PSME3IP1: variants seen among roughly 807,000 people sequenced by gnomAD.
PSME3IP1 encodes PSME3-interacting protein.
Under a neutral mutation model 34.1 loss-of-function variants are expected in PSME3IP1, and 13 were observed. The ratio of observed to expected loss-of-function variants is 0.38; its 90% CI spans 0.25 to 0.61. The LOEUF is 0.61. Ranked by LOEUF, PSME3IP1 falls within the 20% of genes least tolerant of loss-of-function variation. The pLI is 0.60. For synonymous variants in PSME3IP1, 93 were observed against 114.3 expected, an observed-to-expected ratio of 0.81 and a Z score of 1.19; for missense variants, 237 against 301.4, an observed-to-expected ratio of 0.79 and a Z score of 1.58.
chr16:57,183,950 C>T (rs1165111061), intron 1 of PSME3IP1, among the ~76,000 whole-genome samples: 1 of 152,054 alleles, frequency 6.6e-6, no homozygotes, highest in Non-Finnish European at 1.5e-5. Context: ...AAACAGACTC[C>T]CCCAAAGGGA....
At chr16:57,159,656 T>C (rs1389339809) in intron 6 of PSME3IP1, among the ~76,000 whole-genome samples, 2 of 152,340 alleles carry the variant, frequency 1.3e-5, no homozygotes, top group East Asian at 1.9e-4. Context: ...GGACACTTCC[T>C]GCCTGGTTTC....
chr16:57,160,244 T>A (rs2071067984), intron 6 of PSME3IP1, among the ~76,000 whole-genome samples: 1 of 150,144 alleles, frequency 6.7e-6, no homozygotes. Context: ...GAGCCGAGAT[T>A]GCGCCACTGC....
chr16:57,165,404 T>C (rs1180897880), intron 5 of PSME3IP1, among the ~76,000 whole-genome samples: 1 of 152,164 alleles, frequency 6.6e-6, no homozygotes, highest in Non-Finnish European at 1.5e-5. Context: ...CTAAAAAGAC[T>C]GCACATTCAT....
chr16:57,182,405 A>G (rs2073796323), intron 1 of PSME3IP1, among the ~76,000 whole-genome samples: 1 of 78,264 alleles, frequency 1.3e-5, no homozygotes, highest in African/African-American at 5.0e-5. Context: ...CCCCCACCCT[A>G]TATAACTCCA....
chr16:57,178,582 T>C, intron 1 of PSME3IP1: 3 of 985,408 alleles, frequency 3.0e-6, no homozygotes, highest in Non-Finnish European at 3.6e-6. Flanking sequence ...TACTGTGCAA[T>C]GTAAGTTATA....
chr16:57,170,076 C>A (rs1174011684), intron 4 of PSME3IP1, among the ~76,000 whole-genome samples: 2 of 147,730 alleles, frequency 1.4e-5, no homozygotes, highest in African/African-American at 5.0e-5. Flanking sequence ...TTCTCCCATA[C>A]AACGCTTTTT....
intron 1 of PSME3IP1, chr16:57,174,825 T>G (rs2073021601): frequency 3.0e-6 from 1 of 335,822 alleles, no homozygotes; most frequent in African/African-American, 2.2e-5. Context: ...CCTTCCTCCC[T>G]GTAAACCCCT....
At chr16:57,172,631 G>C (rs1046907758) in intron 3 of PSME3IP1, 145 bp downstream of exon 3, 4 of 759,924 alleles carry the variant, frequency 5.3e-6, no homozygotes, top group Non-Finnish European at 9.0e-6. Flanking sequence ...AAGGCTGAAG[G>C]CTGTCTCTTT....
chr16:57,174,067 G>A (rs2072930442), intron 1 of PSME3IP1, 198 bp from the exon 2 acceptor site: 3 of 500,732 alleles, frequency 6.0e-6, no homozygotes, highest in Middle Eastern at 5.8e-4. Flanking sequence ...AGGCCGAGGC[G>A]CATGGATCAC....
At chr16:57,181,174 A>T (rs1037020459) in intron 1 of PSME3IP1, among the ~76,000 whole-genome samples, 7 of 152,252 alleles carry the variant, frequency 4.6e-5, no homozygotes, top group African/African-American at 1.4e-4. Context: ...TAACTAATTT[A>T]AATATCGGTT....
chr16:57,169,745 C>T (rs1261918927), intron 4 of PSME3IP1, among the ~76,000 whole-genome samples: 2 of 152,148 alleles, frequency 1.3e-5, no homozygotes, highest in African/African-American at 4.8e-5. Context: ...CAAAATAAAA[C>T]ATAATATCAT....
chr16:57,184,209 TAGAGA>T (rs755857296), intron 1 of PSME3IP1, among the ~76,000 whole-genome samples: 4 of 147,904 alleles, frequency 2.7e-5, no homozygotes, highest in Non-Finnish European at 4.5e-5. Flanking sequence ...GTAAAAGACA[TAGAGA>T]AAAGAGTGAA....
intron 5 of PSME3IP1, 36 bp downstream of exon 5, chr16:57,167,057 C>T (rs1466968785): frequency 6.2e-7 from 1 of 1,610,816 alleles, no homozygotes; most frequent in East Asian, 2.2e-5. Context: ...AGTACACGGT[C>T]AGAGAGAAAT....
chr16:57,173,614 G>A, intron 2 of PSME3IP1, 114 bp downstream of exon 2: 12 of 1,276,088 alleles, frequency 9.4e-6, no homozygotes, highest in Non-Finnish European at 1.1e-5. Flanking sequence ...GGGCAACAGA[G>A]TGAGACTCCG....
At chr16:57,166,817 T>C (rs938669232) in intron 5 of PSME3IP1, among the ~76,000 whole-genome samples, 5 of 152,230 alleles carry the variant, frequency 3.3e-5, no homozygotes, top group Non-Finnish European at 7.3e-5. Flanking sequence ...GAAGAATACA[T>C]GGGATTATGC....
chr16:57,178,828 T>C (rs1194330624), intron 1 of PSME3IP1: 3 of 985,272 alleles, frequency 3.0e-6, no homozygotes, highest in Non-Finnish European at 3.6e-6. Context: ...GCGTTTTTGT[T>C]TGAAGAGTCC....
chr16:57,163,361 T>G (rs1244224694), intron 6 of PSME3IP1, among the ~76,000 whole-genome samples: 1 of 152,164 alleles, frequency 6.6e-6, no homozygotes, highest in Non-Finnish European at 1.5e-5. Flanking sequence ...CATCATCTTT[T>G]TTTGAGAGAA....
chr16:57,178,320 C>T (rs1226064167), intron 1 of PSME3IP1, among the ~76,000 whole-genome samples: 4 of 152,172 alleles, frequency 2.6e-5, no homozygotes, highest in Non-Finnish European at 5.9e-5. Flanking sequence ...TTTCCAAGAC[C>T]TCCTAGAGTA....
At chr16:57,163,613 A>G (rs2071526466) in intron 6 of PSME3IP1, among the ~76,000 whole-genome samples, 1 of 152,230 alleles carries the variant, frequency 6.6e-6, no homozygotes, top group African/African-American at 2.4e-5. Flanking sequence ...CAGTACAACA[A>G]TGAGCAGGAG....
Sources: gnomAD v4.1 joint callset for allele counts (sites outside exome capture counted in the v4.1 genomes callset) on GRCh38, gnomAD v4.1.1 for gene constraint, MANE v1.5 for transcripts, NCBI Gene and HGNC (gene_info 2026-07-23, HGNC 2026-07-21) for gene names.